Variants in CNTN5 observed in about 807,000 individuals in gnomAD.
The protein encoded by CNTN5 is contactin-5.
Under a neutral mutation model 129.1 loss-of-function variants are expected in CNTN5, and 77 were observed. That is an observed-to-expected ratio of 0.60 (90% CI 0.50 to 0.72). CNTN5 has a LOEUF of 0.72. CNTN5 is among the 30% of genes least tolerant of loss of function. The pLI, the probability that CNTN5 is intolerant of heterozygous loss-of-function variation, is 0.00. For synonymous variants in CNTN5, 509 were observed against 465.6 expected, an observed-to-expected ratio of 1.09 and a Z score of -1.20; for missense variants, 1,478 against 1,328.8, an observed-to-expected ratio of 1.11 and a Z score of -1.75.
chr11:99,935,869 G>A (rs1189332800), intron 7 of CNTN5, among the ~76,000 whole-genome samples: 1 of 152,108 alleles, frequency 6.6e-6, no homozygotes, highest in Non-Finnish European at 1.5e-5. Context: ...CTTCTGTAGA[G>A]GAGGTTGTGT....
At chr11:100,276,925 T>G (rs1475153540) in intron 18 of CNTN5, among the ~76,000 whole-genome samples, 1 of 152,124 alleles carries the variant, frequency 6.6e-6, no homozygotes, top group East Asian at 1.9e-4. Flanking sequence ...TTCTAATTTT[T>G]TTTTATATCC....
At chr11:100,181,441 G>C (rs58901581) in intron 13 of CNTN5, among the ~76,000 whole-genome samples, 4,690 of 152,022 alleles carry the variant, frequency 0.031, 240 homozygotes, top group African/African-American at 0.11. Flanking sequence ...GGATGAAGAT[G>C]AGTGTGGTTA....
At chr11:100,130,590 G>C (rs766328498) in intron 13 of CNTN5, among the ~76,000 whole-genome samples, 1 of 152,110 alleles carries the variant, frequency 6.6e-6, no homozygotes, top group Non-Finnish European at 1.5e-5. Context: ...AGGGATGGCT[G>C]TGTGAACTAC....
intron 8 of CNTN5, among the ~76,000 whole-genome samples, chr11:99,957,792 T>G (rs1376252770): frequency 1.3e-5 from 2 of 152,112 alleles, no homozygotes; most frequent in Non-Finnish European, 2.9e-5. Flanking sequence ...GCTGCTGGAA[T>G]GTATGACCAG....
At chr11:99,787,004 T>G (rs2135415950) in intron 3 of CNTN5, among the ~76,000 whole-genome samples, 1 of 152,294 alleles carries the variant, frequency 6.6e-6, no homozygotes, top group South Asian at 2.1e-4. Context: ...ATGAGTTTTC[T>G]GATTCGGTGA....
intron 3 of CNTN5, among the ~76,000 whole-genome samples, chr11:99,797,394 C>T (rs1945978767): frequency 6.6e-6 from 1 of 152,122 alleles, no homozygotes; most frequent in Non-Finnish European, 1.5e-5. Context: ...TCCCTTTACA[C>T]TGCAGCCTTG....
At chr11:99,989,572 AAGCATTTTAAATTATG>A (rs530918838) in intron 8 of CNTN5, among the ~76,000 whole-genome samples, 272 of 152,092 alleles carry the variant, frequency 1.8e-3, no homozygotes, top group African/African-American at 6.3e-3. Flanking sequence ...AACCACCCAA[AAGCATTTTAAATTATG>A]AACTTATTGT....
At chr11:100,232,626 C>T (rs1949513962) in intron 16 of CNTN5, among the ~76,000 whole-genome samples, 1 of 152,216 alleles carries the variant, frequency 6.6e-6, no homozygotes, top group Non-Finnish European at 1.5e-5. Context: ...TTGTGTAAGT[C>T]ATTTAATGTT....
At chr11:99,748,652 T>C (rs4754642) in intron 3 of CNTN5, among the ~76,000 whole-genome samples, 50,367 of 151,724 alleles carry the variant, frequency 0.33, 10,278 homozygotes, top group East Asian at 0.73. Context: ...AGTGCTCACT[T>C]TGGAGTCCCA....
intron 3 of CNTN5, among the ~76,000 whole-genome samples, chr11:99,767,228 G>A (rs1944785067): frequency 6.6e-6 from 1 of 151,870 alleles, no homozygotes; most frequent in African/African-American, 2.4e-5. Context: ...TTACAAAATT[G>A]TGTTAAAAAA....
At chr11:100,008,939 A>C (rs145468749) in intron 9 of CNTN5, among the ~76,000 whole-genome samples, 117 of 152,198 alleles carry the variant, frequency 7.7e-4, no homozygotes, top group African/African-American at 2.7e-3. Flanking sequence ...TCTGTCCTTA[A>C]TGGTGTTCAG....
intron 1 of CNTN5, among the ~76,000 whole-genome samples, chr11:99,151,189 C>T (rs1269354839): frequency 1.3e-5 from 2 of 151,904 alleles, no homozygotes; most frequent in African/African-American, 4.8e-5. Context: ...GATTAAAGCG[C>T]CTGCTTTGTC....
rs568498235 is a variant in CNTN5, at chr11:99,412,172, G to A, written c.-71+86688G>A. On this transcript the variant is annotated intron_variant, in intron 2 of 24. Transcript: ENST00000524871. ...AAATATATTATTTGAACTTTCTTAAGAAGGCAAATGACAAAGTTTTCAGAG... is the reference window on the plus strand; with the variant it reads ...AAATATATTATTTGAACTTTCTTAAAAAGGCAAATGACAAAGTTTTCAGAG... Among the ~76,000 whole-genome samples the A allele has an allele frequency of 5.9e-5, 9 of 152,138 alleles. No homozygotes were observed. The South Asian group carries it at 1.2e-3, about 21-fold the overall frequency.
intron 9 of CNTN5, among the ~76,000 whole-genome samples, chr11:100,005,763 A>G (rs11222311): frequency 0.36 from 55,131 of 151,862 alleles, 11,139 homozygotes; most frequent in African/African-American, 0.54. Context: ...CAAAGGATGG[A>G]GTGAAAAATA....
chr11:100,236,838 C>T (rs1210067949), intron 16 of CNTN5, among the ~76,000 whole-genome samples: 1 of 152,140 alleles, frequency 6.6e-6, no homozygotes, highest in Non-Finnish European at 1.5e-5. Flanking sequence ...GAATGTACAG[C>T]CTTTTAGGGA....
chr11:99,062,745 C>T (rs1864939916), intron 1 of CNTN5, among the ~76,000 whole-genome samples: 1 of 117,250 alleles, frequency 8.5e-6, no homozygotes, highest in Non-Finnish European at 1.9e-5. Flanking sequence ...TTTACATCAC[C>T]ACACACTAGC....
chr11:99,624,062 T>G (rs1198403868), intron 3 of CNTN5, among the ~76,000 whole-genome samples: 2 of 152,148 alleles, frequency 1.3e-5, no homozygotes, highest in Non-Finnish European at 2.9e-5. Context: ...GGAAATTTGA[T>G]GGTAATCTTC....
chr11:99,684,340 A>C (rs1026419007), intron 3 of CNTN5, among the ~76,000 whole-genome samples: 1 of 151,946 alleles, frequency 6.6e-6, no homozygotes, highest in Non-Finnish European at 1.5e-5. Context: ...TCTGGAATGT[A>C]GATATAAAAT....
chr11:99,112,685 A>G (rs1216171490), intron 1 of CNTN5, among the ~76,000 whole-genome samples: 1 of 152,006 alleles, frequency 6.6e-6, no homozygotes, highest in East Asian at 1.9e-4. Flanking sequence ...ATCTAAACCT[A>G]GAGTTAATTT....
Sources: allele counts gnomAD v4.1 joint callset (sites outside exome capture counted in the v4.1 genomes callset), GRCh38; gene constraint gnomAD v4.1.1; transcripts MANE v1.5; gene names NCBI Gene and HGNC (gene_info 2026-07-23, HGNC 2026-07-21).